The following GALNT18 variants were observed in gnomAD, a reference collection of about 807,000 sequenced individuals.
GALNT18 encodes the protein GalNAc-transferase 18.
Under a neutral mutation model 69.5 loss-of-function variants are expected in GALNT18, and 44 were observed. The ratio of observed to expected loss-of-function variants is 0.63; its 90% CI spans 0.50 to 0.81. GALNT18 has a LOEUF of 0.81. GALNT18 is among the 40% of genes least tolerant of loss of function. GALNT18 has a pLI of 0.00. For synonymous variants in GALNT18, 364 were observed against 318.2 expected (o/e 1.14, Z -1.53); for missense variants, 715 against 810.0 (o/e 0.88, Z 1.42).
At chr11:11,376,382 A>G (rs1202098201) in intron 5 of GALNT18, among the ~76,000 whole-genome samples, 2 of 152,144 alleles carry the variant, frequency 1.3e-5, no homozygotes, top group African/African-American at 4.8e-5. Context: ...ACTCCGTCTC[A>G]AAAACAAAAA....
intron 1 of GALNT18, among the ~76,000 whole-genome samples, chr11:11,498,754 A>G (rs950890255): frequency 3.3e-5 from 5 of 152,130 alleles, no homozygotes; most frequent in Admixed American, 2.0e-4. Flanking sequence ...AGCCAAGATC[A>G]TGCCACTGCA....
chr11:11,317,506 T>C (rs570062260), intron 9 of GALNT18, among the ~76,000 whole-genome samples: 1 of 152,250 alleles, frequency 6.6e-6, no homozygotes, highest in African/African-American at 2.4e-5. Context: ...TGAGCATTTT[T>C]TCATTGTTTG....
intron 1 of GALNT18, among the ~76,000 whole-genome samples, chr11:11,525,279 G>C (rs1172131902): frequency 1.3e-5 from 2 of 152,030 alleles, no homozygotes; most frequent in African/African-American, 4.8e-5. Flanking sequence ...GTTTCCACTG[G>C]ATCCTTACCT....
rs1372018138 is a variant in GALNT18, at chr11:11,448,748, T to C, written c.424A>G (p.Ser142Gly). ...CCAGTCACTGACTCTGCTCACCCAC[T>C]GGGTCTGAGGTCAGGCAGGGGCCGG... ...LDRPLPDLRP[S>G]GCRNLSFPDS... Residue 142 changes from serine to glycine, a missense_variant, in exon 2 of 11, where the codon AGT (serine) becomes GGT (glycine). Physicochemically the swap from Ser to Gly is moderately conservative, Grantham distance 56. Coordinates refer to ENST00000227756, the MANE Select transcript of GALNT18 (RefSeq NM_198516.3). 1 of 1,609,798 alleles carries C rather than the reference T, an allele frequency of 6.2e-7. No homozygotes were observed. Among genetic ancestry groups the C allele is most frequent in the African/African-American group, 1.3e-5 (1 of 74,880 alleles).
intron 3 of GALNT18, among the ~76,000 whole-genome samples, chr11:11,403,591 C>G (rs910821765): frequency 6.6e-6 from 1 of 152,196 alleles, no homozygotes; most frequent in Non-Finnish European, 1.5e-5. Flanking sequence ...GGAACTTCTC[C>G]TTCTGAAAGT....
intron 6 of GALNT18, among the ~76,000 whole-genome samples, chr11:11,343,650 G>C (rs1190350850): frequency 6.6e-6 from 1 of 152,206 alleles, no homozygotes; most frequent in Non-Finnish European, 1.5e-5. Flanking sequence ...ATGAAAGCCT[G>C]TGAATCCCAT....
intron 10 of GALNT18, among the ~76,000 whole-genome samples, chr11:11,280,510 C>T (rs564279700): frequency 1.3e-5 from 2 of 152,206 alleles, no homozygotes; most frequent in African/African-American, 4.8e-5. Context: ...GTCTTGAGCT[C>T]CCCTGAGGCT....
At chr11:11,414,211 C>G (rs1157672279) in intron 3 of GALNT18, among the ~76,000 whole-genome samples, 3 of 152,210 alleles carry the variant, frequency 2.0e-5, no homozygotes, top group Non-Finnish European at 2.9e-5. Flanking sequence ...CTACTCTTAC[C>G]CATTCCCAAA....
At chr11:11,365,839 C>T (rs1350227372) in intron 6 of GALNT18, among the ~76,000 whole-genome samples, 3 of 152,188 alleles carry the variant, frequency 2.0e-5, no homozygotes, top group Non-Finnish European at 4.4e-5. Context: ...CAGGTTCAAA[C>T]TCCATTTCCC....
chr11:11,401,111 G>C (rs1011693280), intron 3 of GALNT18, among the ~76,000 whole-genome samples: 1 of 152,090 alleles, frequency 6.6e-6, no homozygotes, highest in South Asian at 2.1e-4. Context: ...CCAGGCTAGA[G>C]TCTCTCAAAG....
chr11:11,345,701 G>A (rs2133061582), intron 6 of GALNT18, among the ~76,000 whole-genome samples: 1 of 152,288 alleles, frequency 6.6e-6, no homozygotes, highest in Middle Eastern at 3.4e-3. Flanking sequence ...GTACAGGGAT[G>A]GCTTGGCATC....
chr11:11,284,863 G>C (rs932914279), intron 10 of GALNT18, among the ~76,000 whole-genome samples: 15 of 116,896 alleles, frequency 1.3e-4, no homozygotes, highest in African/African-American at 5.1e-4. Flanking sequence ...TGGTCTTTTT[G>C]TATTATGAAT....
At chr11:11,518,452 T>C (rs975096547) in intron 1 of GALNT18, among the ~76,000 whole-genome samples, 1 of 152,240 alleles carries the variant, frequency 6.6e-6, no homozygotes, top group Non-Finnish European at 1.5e-5. Context: ...CTGGGATTTC[T>C]AGGGCTTTCC....
At chr11:11,285,925 G>A (rs1269322223) in intron 10 of GALNT18, among the ~76,000 whole-genome samples, 1 of 152,198 alleles carries the variant, frequency 6.6e-6, no homozygotes, top group African/African-American at 2.4e-5. Context: ...CCCTTGACAG[G>A]CAACTTTGGC....
chr11:11,353,070 G>A, intron 6 of GALNT18: 2 of 1,614,186 alleles, frequency 1.2e-6, no homozygotes, highest in East Asian at 2.2e-5. Context: ...AGGTCTGTGT[G>A]TATTAACATC....
intron 7 of GALNT18, among the ~76,000 whole-genome samples, chr11:11,333,060 C>G (rs887588988): frequency 7.1e-6 from 1 of 141,380 alleles, no homozygotes; most frequent in Admixed American, 7.2e-5. Flanking sequence ...CATCAAGGGC[C>G]ATTGAAAAAA....
chr11:11,409,995 C>G (rs570721666), intron 3 of GALNT18, among the ~76,000 whole-genome samples: 1 of 152,342 alleles, frequency 6.6e-6, no homozygotes, highest in East Asian at 1.9e-4. Context: ...CGCCCTGCAG[C>G]ACTATCAGCC....
Position 11,435,808 on chromosome 11 carries a change from G to A in GALNT18, c.429-3021C>T, listed in dbSNP as rs186788568. On this transcript the variant is annotated intron_variant, in intron 2 of 10. Coordinates refer to ENST00000227756, the MANE Select transcript of GALNT18 (RefSeq NM_198516.3). The surrounding 1 kb of genome is among the most constrained non-coding windows in gnomAD (Gnocchi z 4.4). ...GTCCCGGTCCTCCCGCCGACCAGCA[G>A]GCTCCTGTTCTCCCATCCTCCCTCC... Among the ~76,000 whole-genome samples, 170 of 152,306 alleles carry A rather than the reference G, an allele frequency of 1.1e-3. No individual in the cohort carries two copies. The highest frequency in any genetic ancestry group is 3.9e-3 in the African/African-American group (162 of 41,566).
intron 9 of GALNT18, among the ~76,000 whole-genome samples, chr11:11,308,177 G>A (rs968146723): frequency 2.0e-4 from 30 of 152,098 alleles, no homozygotes; most frequent in African/African-American, 4.6e-4. Context: ...CTCCATATAC[G>A]ACTCTACTCA....
Sources: gnomAD v4.1 joint callset for allele counts (sites outside exome capture counted in the v4.1 genomes callset) on GRCh38, gnomAD v4.1.1 for gene constraint, Gnocchi (gnomAD v3.1) non-coding constraint, MANE v1.5 for transcripts, NCBI Gene and HGNC (gene_info 2026-07-23, HGNC 2026-07-21) for gene names.